Variants in DPF3 observed in about 807,000 individuals in gnomAD.
The protein encoded by DPF3 is zinc finger protein DPF3.
A neutral mutation model predicts 56.8 loss-of-function variants in DPF3; 18 were observed. The observed-to-expected ratio is 0.32, with a 90% CI of 0.22 to 0.47. The LOEUF (loss-of-function observed/expected upper bound fraction) is 0.47, where lower values mean the gene tolerates loss of function less well. Among genes scored for constraint, DPF3 ranks in the 20% least tolerant of loss-of-function variants. The probability of loss-of-function intolerance (pLI) is 1.00; values close to 1 mark genes in which losing one functional copy is unlikely to be tolerated. For synonymous variants in DPF3, 188 were observed against 180.2 expected (o/e 1.04, Z -0.35); for missense variants, 403 against 488.8 (o/e 0.82, Z 1.65).
intron 1 of DPF3, among the ~76,000 whole-genome samples, chr14:72,784,361 T>C (rs948746239): frequency 6.6e-6 from 1 of 152,104 alleles, no homozygotes; most frequent in African/African-American, 2.4e-5. Flanking sequence ...GAGTGCACCC[T>C]AGAAATGCCT....
rs1431208963 is a variant in DPF3 at position 72,753,386 on chromosome 14, A to G, written c.194-15T>C. ...CGGGGCAAGGCCTGTGGACAGAGAC[A>G]ATATAAAGATTAAAGGCTCCAGGCT... is the stretch of plus-strand genomic sequence containing the variant. On this transcript the variant is annotated splice_polypyrimidine_tract_variant and intron_variant, in intron 2 of 10. Transcript: ENST00000556509. The G allele has an allele frequency of 1.3e-6, 2 of 1,598,488 alleles. No homozygotes were observed. Among genetic ancestry groups the G allele is most frequent in the Admixed American group, 3.5e-5 (2 of 57,594 alleles).
chr14:72,651,968 G>T (rs1599329065), intron 8 of DPF3, among the ~76,000 whole-genome samples: 2 of 152,266 alleles, frequency 1.3e-5, no homozygotes, highest in South Asian at 4.1e-4. Context: ...AGCCAGGATG[G>T]GTTCTCCCTG....
At chr14:72,691,122 G>A (rs573805915) in intron 7 of DPF3, among the ~76,000 whole-genome samples, 6 of 152,278 alleles carry the variant, frequency 3.9e-5, no homozygotes, top group South Asian at 4.2e-4. Context: ...AAGGAGAGGC[G>A]GGCAAGGCTC....
chr14:72,801,320 C>G (rs888774413), intron 1 of DPF3, among the ~76,000 whole-genome samples: 12 of 152,208 alleles, frequency 7.9e-5, no homozygotes, highest in African/African-American at 2.9e-4. Context: ...CCCAGGATGG[C>G]TGGTGAGGGA....
At chr14:72,826,911 G>A (rs1883828871) in intron 1 of DPF3, among the ~76,000 whole-genome samples, 1 of 152,030 alleles carries the variant, frequency 6.6e-6, no homozygotes. Context: ...GCATGGTGGC[G>A]CGTGCCTGTA....
In DPF3 at chr14:72,611,567, G is replaced by T. The variant is rs1883727577; in HGVS notation, c.*7730C>A. Among the ~76,000 whole-genome samples the T allele has an allele frequency of 6.6e-6, 1 of 152,080 alleles. No individual in the cohort carries two copies. Among genetic ancestry groups the T allele is most frequent in the Admixed American group, 6.6e-5 (1 of 15,260 alleles). Reference sequence around the variant, plus strand: ...CTAGCAGGGAAAAGACCACTGTGGGGGTCATTTTCTGCCTCTGATCAGGCC... The same window carrying T: ...CTAGCAGGGAAAAGACCACTGTGGGTGTCATTTTCTGCCTCTGATCAGGCC... On this transcript the variant is annotated 3_prime_UTR_variant, in exon 11 of 11. Transcript: ENST00000556509.
chr14:72,759,408 C>A (rs1890975237), intron 2 of DPF3, among the ~76,000 whole-genome samples: 1 of 152,118 alleles, frequency 6.6e-6, no homozygotes, highest in Non-Finnish European at 1.5e-5. Context: ...GCGGCTCATG[C>A]CTTTAATCCC....
chr14:72,891,692 G>T (rs1205598113), intron 1 of DPF3, among the ~76,000 whole-genome samples: 1 of 151,934 alleles, frequency 6.6e-6, no homozygotes, highest in African/African-American at 2.4e-5. Flanking sequence ...AACTGTCCAG[G>T]GTGTGAGAGG....
chr14:72,714,679 C>G (rs1888829254), intron 5 of DPF3, among the ~76,000 whole-genome samples, 178 bp from the exon 6 acceptor site: 1 of 152,168 alleles, frequency 6.6e-6, no homozygotes, highest in African/African-American at 2.4e-5. Context: ...CCCCAAATCA[C>G]TCAGTTGCTC....
chr14:72,769,436 C>T (rs1292140630), intron 2 of DPF3, among the ~76,000 whole-genome samples: 3 of 152,122 alleles, frequency 2.0e-5, no homozygotes, highest in African/African-American at 4.8e-5. Flanking sequence ...AATCCCAGAA[C>T]TTTGGGAGGC....
chr14:72,759,537 G>C (rs1490470959), intron 2 of DPF3, among the ~76,000 whole-genome samples: 2 of 150,630 alleles, frequency 1.3e-5, no homozygotes, highest in African/African-American at 4.9e-5. Flanking sequence ...AGATGAAAGA[G>C]AGACAGAGAG....
rs180710687 is a variant in DPF3 at position 72,812,485 on chromosome 14, C to T, written c.33-40592G>A. On this transcript the variant is annotated intron_variant, in intron 1 of 10. Coordinates refer to ENST00000556509, the MANE Select transcript of DPF3 (RefSeq NM_001280542.3). ...AGGGGCTTGGAGGCAACATCCTCGG[C>T]AAGTCTGGGAAGGAGGTGGAGGCAG... 7.9e-5 allele frequency among the ~76,000 whole-genome samples: 12 copies of T among 152,198 alleles called. No homozygotes were observed. The East Asian group carries it at 2.1e-3, about 27-fold the overall frequency.
chr14:72,859,842 C>T (rs1187960907), intron 1 of DPF3, among the ~76,000 whole-genome samples: 3 of 152,062 alleles, frequency 2.0e-5, no homozygotes, highest in African/African-American at 7.2e-5. Context: ...GGTATATTCA[C>T]CAAGACATTC....
At chr14:72,636,485 C>T (rs1427572843) in intron 8 of DPF3, among the ~76,000 whole-genome samples, 2 of 152,106 alleles carry the variant, frequency 1.3e-5, no homozygotes, top group Non-Finnish European at 2.9e-5. Flanking sequence ...CTGCCCCATT[C>T]CCTCCCCCTC....
chr14:72,749,228 T>G (rs1481576918), intron 3 of DPF3, among the ~76,000 whole-genome samples: 1 of 152,252 alleles, frequency 6.6e-6, no homozygotes, highest in African/African-American at 2.4e-5. Flanking sequence ...ATATGAGACA[T>G]GGAGTCAAAG....
intron 3 of DPF3, among the ~76,000 whole-genome samples, chr14:72,743,511 T>C (rs887133587): frequency 2.6e-5 from 4 of 151,030 alleles, no homozygotes; most frequent in Admixed American, 6.6e-5. Flanking sequence ...GGTTGAAAGA[T>C]GCTAAATTGA....
Position 72,723,648 on chromosome 14 carries a change from G to A in DPF3, c.510C>T (p.Asn170=). The A allele has an allele frequency of 6.3e-7, 1 of 1,580,758 alleles. No individual in the cohort carries two copies. The change falls in exon 5 of 11, where the codon AAC becomes AAT. Residue 170 remains asparagine, a synonymous_variant. Transcript: ENST00000556509. ...DLEEDIPKRK[N]RTRGRARGSA... is the part of the protein sequence containing the mutation. Reference sequence around the variant, plus strand: ...CCCAACTTACCCGTCCTCTAGTCCTGTTCTTTCGCTTGGGAATATCCTCTT... The same window carrying A: ...CCCAACTTACCCGTCCTCTAGTCCTATTCTTTCGCTTGGGAATATCCTCTT...
rs1262121851 is a variant in DPF3 at position 72,616,597 on chromosome 14, C to T, written c.*2700G>A. On this transcript the variant is annotated 3_prime_UTR_variant, in exon 11 of 11. Transcript: ENST00000556509. ...TTATGTAACATGATGCTTAAGAGTC[C>T]CAGTGTCACTCTGGAATAGGCAGGG... Among the ~76,000 whole-genome samples the T allele has an allele frequency of 6.6e-6, 1 of 152,128 alleles. No homozygotes were observed. The highest frequency in any genetic ancestry group is 1.5e-5 in the Non-Finnish European group (1 of 68,018).
intron 8 of DPF3, chr14:72,661,526 G>A (rs770846756): frequency 8.7e-5 from 86 of 985,386 alleles, no homozygotes; most frequent in Non-Finnish European, 1.0e-4. Flanking sequence ...GGGAGCCTGC[G>A]GGTAGAACCC....
Sources: gnomAD v4.1 joint callset for allele counts (sites outside exome capture counted in the v4.1 genomes callset) on GRCh38, gnomAD v4.1.1 for gene constraint, MANE v1.5 for transcripts, NCBI Gene and HGNC (gene_info 2026-07-23, HGNC 2026-07-21) for gene names.